YTHDF3: variants seen among roughly 807,000 people sequenced by gnomAD.
The protein encoded by YTHDF3 is YTH N6-methyladenosine RNA binding protein F3.
In YTHDF3, 9 loss-of-function variants were observed where a neutral mutation model predicts 52.5. The observed-to-expected ratio is 0.17, with a 90% CI of 0.10 to 0.30. YTHDF3 has a LOEUF of 0.30. Among genes scored for constraint, YTHDF3 ranks in the 10% least tolerant of loss-of-function variants. YTHDF3 has a pLI of 1.00. For missense variants in YTHDF3, 534 were observed against 715.0 expected (o/e 0.75, Z 2.89); for synonymous variants, 274 against 243.3 (o/e 1.13, Z -1.18).
chr8:63,190,093 T>C (rs1242672774), intron 4 of YTHDF3, among the ~76,000 whole-genome samples: 1 of 152,188 alleles, frequency 6.6e-6, no homozygotes, highest in Non-Finnish European at 1.5e-5. Context: ...TTTTAGATTG[T>C]GCTGATTTTA....
intron 4 of YTHDF3, among the ~76,000 whole-genome samples, chr8:63,206,700 T>C (rs1230992814): frequency 6.6e-6 from 1 of 152,216 alleles, no homozygotes; most frequent in Non-Finnish European, 1.5e-5. Flanking sequence ...GTTCGTGATA[T>C]CTAGACTTCA....
chr8:63,173,715 C>T (rs1807498181), intron 2 of YTHDF3: 1 of 984,154 alleles, frequency 1.0e-6, no homozygotes, highest in Admixed American at 6.2e-5. Context: ...AAATGAATAA[C>T]CCAGCCTTAT....
At chr8:63,209,107 A>G (rs1412214838) in intron 4 of YTHDF3, among the ~76,000 whole-genome samples, 1 of 152,034 alleles carries the variant, frequency 6.6e-6, no homozygotes, top group Admixed American at 6.6e-5. Context: ...ACCTCAGTTG[A>G]TCCACCTGTC....
chr8:63,199,404 T>A (rs1809454726), intron 4 of YTHDF3, among the ~76,000 whole-genome samples: 1 of 152,210 alleles, frequency 6.6e-6, no homozygotes, highest in African/African-American at 2.4e-5. Context: ...ACTGCATTTT[T>A]TTATCTCTTT....
At chr8:63,199,481 G>C (rs1809459897) in intron 4 of YTHDF3, among the ~76,000 whole-genome samples, 1 of 152,118 alleles carries the variant, frequency 6.6e-6, no homozygotes. Context: ...GGTCAGCTGT[G>C]TTTAATTTAT....
intron 3 of YTHDF3, 75 bp from the exon 4 acceptor site, chr8:63,186,072 T>A: frequency 7.1e-7 from 1 of 1,408,052 alleles, no homozygotes; most frequent in Non-Finnish European, 9.6e-7. Context: ...ACTTCTTGAT[T>A]TTAATCTTTC....
At position 63,202,462 on chromosome 8, in the gene YTHDF3, CTT is replaced by C. The variant is rs5891892; in HGVS notation, c.1735-7206_1735-7205del. 1.3e-3 allele frequency among the ~76,000 whole-genome samples: 161 copies of C among 127,978 alleles called. 1 individual carries two copies. The highest frequency in any genetic ancestry group is 8.7e-3 in the East Asian group (37 of 4,238). The allele number at this position is 127,978 out of a possible 152,430, so 84.0% of individuals were successfully genotyped here. A position where few individuals can be genotyped will look rare whatever the true frequency, so the allele number is the denominator to read the frequency against. On this transcript the variant is annotated intron_variant, in intron 4 of 4. Coordinates refer to ENST00000539294, the MANE Select transcript of YTHDF3 (RefSeq NM_152758.6). ...CATCTGTTACTGCCCTTGTTCTACT[CTT>C]TTTTTTTTTTTTTTGAGATGGAGTC...
chr8:63,178,356 G>A (rs1807841077), intron 3 of YTHDF3, among the ~76,000 whole-genome samples: 1 of 151,900 alleles, frequency 6.6e-6, no homozygotes, highest in Admixed American at 6.6e-5. Context: ...TATTGGAATT[G>A]TGCATAAGAC....
chr8:63,170,684 A>G (rs971410284), intron 2 of YTHDF3, among the ~76,000 whole-genome samples: 1 of 152,184 alleles, frequency 6.6e-6, no homozygotes, highest in Admixed American at 6.5e-5. Flanking sequence ...GGAACTATGT[A>G]GACTTGGAGA....
At chr8:63,190,100 T>A (rs1808819140) in intron 4 of YTHDF3, among the ~76,000 whole-genome samples, 1 of 152,196 alleles carries the variant, frequency 6.6e-6, no homozygotes, top group South Asian at 2.1e-4. Context: ...TTGTGCTGAT[T>A]TTAAGATACC....
At chr8:63,195,724 G>A (rs1188487183) in intron 4 of YTHDF3, among the ~76,000 whole-genome samples, 1 of 131,728 alleles carries the variant, frequency 7.6e-6, no homozygotes, top group Non-Finnish European at 1.6e-5. Context: ...GTGAGACCAT[G>A]TATTTACGTG....
At chr8:63,183,379 GA>G (rs1399184442) in intron 3 of YTHDF3, among the ~76,000 whole-genome samples, 3 of 151,942 alleles carry the variant, frequency 2.0e-5, no homozygotes, top group Non-Finnish European at 2.9e-5. Context: ...GAAGCACTAT[GA>G]GTACTTTCCA....
intron 3 of YTHDF3, among the ~76,000 whole-genome samples, chr8:63,179,298 G>T (rs1807912954): frequency 6.6e-6 from 1 of 151,784 alleles, no homozygotes; most frequent in South Asian, 2.1e-4. Context: ...GGACAATAGT[G>T]CAGGGAAGGT....
rs115705012 is a variant in YTHDF3, at chr8:63,175,229, T to C, written c.50-102T>C. ...CTTAAAAATAACTCAGTATTATTTT[T>C]TCTGATTACTTTTTTTGGCTTGAAA... On this transcript the variant is annotated intron_variant, in intron 2 of 4. Coordinates refer to ENST00000539294, the MANE Select transcript of YTHDF3 (RefSeq NM_152758.6). The C allele has an allele frequency of 5.1e-4, 407 of 799,868 alleles. 3 individuals carry two copies. In the African/African-American group the frequency reaches 6.2e-3, roughly 12 times the overall value. The allele number at this position is 799,868 out of a possible 1,614,324, so 49.5% of individuals were successfully genotyped here.
chr8:63,178,237 G>A (rs1247902872), intron 3 of YTHDF3, among the ~76,000 whole-genome samples: 1 of 152,154 alleles, frequency 6.6e-6, no homozygotes, highest in Non-Finnish European at 1.5e-5. Context: ...AGGATTTCTG[G>A]TATTCCATAG....
chr8:63,174,962 A>G (rs1020048091), intron 2 of YTHDF3, among the ~76,000 whole-genome samples: 2 of 152,222 alleles, frequency 1.3e-5, no homozygotes, highest in Admixed American at 6.5e-5. Context: ...TATTGCCTAC[A>G]ACGCTACTTG....
intron 3 of YTHDF3, among the ~76,000 whole-genome samples, chr8:63,180,721 T>C (rs79807312): frequency 6.6e-5 from 10 of 152,302 alleles, no homozygotes; most frequent in South Asian, 2.1e-4. Flanking sequence ...TCTGCAATCC[T>C]GGCACCTCGG....
At chr8:63,184,035 A>C (rs181620048) in intron 3 of YTHDF3, among the ~76,000 whole-genome samples, 55 of 152,148 alleles carry the variant, frequency 3.6e-4, no homozygotes, top group African/African-American at 1.3e-3. Context: ...GAATAATGAC[A>C]AAAAAAACTG....
chr8:63,184,822 C>A (rs543393804), intron 3 of YTHDF3, among the ~76,000 whole-genome samples: 1 of 152,152 alleles, frequency 6.6e-6, no homozygotes, highest in African/African-American at 2.4e-5. Context: ...TTGCATAATT[C>A]TACAAATTGT....
Sources: gnomAD v4.1 joint callset for allele counts (sites outside exome capture counted in the v4.1 genomes callset) on GRCh38, gnomAD v4.1.1 for gene constraint, MANE v1.5 for transcripts, NCBI Gene and HGNC (gene_info 2026-07-23, HGNC 2026-07-21) for gene names.